Variants in TEX11 observed in about 807,000 individuals in gnomAD.
TEX11 encodes the protein testis-expressed protein 11.
Under a neutral mutation model 84.4 loss-of-function variants are expected in TEX11, and 7 were observed. The observed-to-expected ratio is 0.08, with a 90% CI of 0.05 to 0.16. The LOEUF (loss-of-function observed/expected upper bound fraction) is 0.16. TEX11 is among the 10% of genes least tolerant of loss of function. The pLI, the probability that TEX11 is intolerant of heterozygous loss-of-function variation, is 1.00. For missense variants in TEX11, 551 were observed against 660.5 expected (o/e 0.83, Z 1.82); for synonymous variants, 264 against 222.8 (o/e 1.18, Z -1.64).
chrX:70,833,634 A>T, intron 7 of TEX11, 41 bp from the exon 8 acceptor site: 1 of 1,048,420 alleles, frequency 9.5e-7, no homozygotes, highest in Non-Finnish European at 1.3e-6. Context: ...TTAAAATGAC[A>T]AGGTTATTTG....
Position 70,583,416 on chromosome X carries a change from G to A in TEX11, c.2140+8335C>T, listed in dbSNP as rs142060151. Among the ~76,000 whole-genome samples, 867 of 111,730 alleles carry A rather than the reference G, an allele frequency of 7.8e-3. 11 individuals are homozygous for A. The highest frequency in any genetic ancestry group is 0.026 in the African/African-American group (814 of 30,763). ...GATAATGGCCTCCAGTTTCATCCAC[G>A]TTACTGCAAATGACCTGATTTCATT... On this transcript the variant is annotated intron_variant, in intron 25 of 29. Transcript: ENST00000374333.
intron 28 of TEX11, among the ~76,000 whole-genome samples, chrX:70,538,423 T>C (rs1457640990): frequency 2.7e-5 from 3 of 111,482 alleles, no homozygotes; most frequent in Non-Finnish European, 3.8e-5. Flanking sequence ...TATCAAAGTC[T>C]GACTCAAAGA....
downstream of TEX11, among the ~76,000 whole-genome samples, chrX:70,524,750 G>A (rs1014098843): frequency 2.7e-5 from 3 of 111,970 alleles, no homozygotes; most frequent in Non-Finnish European, 3.8e-5. Flanking sequence ...ATTTTTAGTA[G>A]AGACGGGGTT....
chrX:70,639,430 G>C (rs2089620366), intron 17 of TEX11, among the ~76,000 whole-genome samples: 1 of 112,210 alleles, frequency 8.9e-6, no homozygotes, highest in African/African-American at 3.2e-5. Flanking sequence ...GCTCAAGGAG[G>C]CCTGCGTGCC....
intron 13 of TEX11, among the ~76,000 whole-genome samples, chrX:70,689,527 C>T (rs766873670): frequency 9.0e-6 from 1 of 111,316 alleles, no homozygotes; most frequent in Non-Finnish European, 1.9e-5. Context: ...AAAGGAATTG[C>T]TTATAAAAAA....
intron 11 of TEX11, among the ~76,000 whole-genome samples, chrX:70,734,716 C>A (rs1264960863): frequency 8.9e-6 from 1 of 112,068 alleles, no homozygotes; most frequent in East Asian, 2.8e-4. Context: ...CGCTTCACTA[C>A]CTAGGAGTGA....
At chrX:70,716,954 A>C (rs2090510213) in intron 13 of TEX11, among the ~76,000 whole-genome samples, 1 of 112,517 alleles carries the variant, frequency 8.9e-6, no homozygotes, top group Admixed American at 9.4e-5. Context: ...TTGCAAGTTT[A>C]CTTAAATGTT....
intron 11 of TEX11, among the ~76,000 whole-genome samples, chrX:70,740,267 C>T (rs1245616791): frequency 9.0e-6 from 1 of 111,229 alleles, no homozygotes; most frequent in East Asian, 2.8e-4. Context: ...TCAAGGTGCT[C>T]GCAGATTCGG....
intron 13 of TEX11, among the ~76,000 whole-genome samples, chrX:70,717,046 C>T (rs764907692): frequency 9.0e-6 from 1 of 111,629 alleles, no homozygotes; most frequent in African/African-American, 3.3e-5. Flanking sequence ...ACCTGCTTTT[C>T]TAGAATCCAA....
chrX:70,760,170 A>G, intron 9 of TEX11, among the ~76,000 whole-genome samples: 1 of 111,995 alleles, frequency 8.9e-6, no homozygotes, highest in Non-Finnish European at 1.9e-5. Flanking sequence ...AATCAATATC[A>G]TGAAAATAGC....
chrX:70,528,256 T>A (rs2087841260), downstream of TEX11, among the ~76,000 whole-genome samples: 1 of 111,961 alleles, frequency 8.9e-6, no homozygotes, highest in South Asian at 3.8e-4. Context: ...AGGTAGGACA[T>A]TTTACCAATT....
In TEX11 at chrX:70,740,791, T is replaced by A. The variant is rs1283604357; in HGVS notation, c.753A>T (p.Lys251Asn). 4.3e-6 allele frequency: 5 copies of A among 1,155,032 alleles called. No homozygotes were observed. Among genetic ancestry groups the A allele is most frequent in the Non-Finnish European group, 5.8e-6 (5 of 863,562 alleles). Residue 251 changes from lysine to asparagine, a missense_variant, in exon 11 of 30, where the codon AAA becomes AAT. Coordinates refer to ENST00000374333, the MANE Select transcript of TEX11 (RefSeq NM_031276.3). Reference sequence around the variant, plus strand: ...AATTCGTGGCTAATAGCCGTAGAACTTTAGCCTGTAAGAAAAAAAAAAAGA... The same window carrying A: ...AATTCGTGGCTAATAGCCGTAGAACATTAGCCTGTAAGAAAAAAAAAAAGA... ...KKSTGPEMLA[K>N]VLRLLATNYL...
At chrX:70,608,740 CAAAAA>C (rs61517512) in intron 22 of TEX11, among the ~76,000 whole-genome samples, 1 of 66,957 alleles carries the variant, frequency 1.5e-5, no homozygotes, top group African/African-American at 5.6e-5. Context: ...GACTCCATCT[CAAAAA>C]AAAAAAAAAA....
chrX:70,795,219 G>A (rs2091148878), intron 9 of TEX11, among the ~76,000 whole-genome samples: 1 of 109,536 alleles, frequency 9.1e-6, no homozygotes, highest in Non-Finnish European at 1.9e-5. Context: ...CTGTGACAGT[G>A]GTGGCCATAG....
At chrX:70,809,781 C>T (rs969034661) in intron 8 of TEX11, among the ~76,000 whole-genome samples, 1 of 111,049 alleles carries the variant, frequency 9.0e-6, no homozygotes, top group African/African-American at 3.3e-5. Flanking sequence ...ACTGCAACCT[C>T]TGCCTCCGAG....
intron 9 of TEX11, among the ~76,000 whole-genome samples, chrX:70,756,032 G>C (rs890939845): frequency 1.1e-4 from 12 of 112,227 alleles, no homozygotes; most frequent in Admixed American, 1.0e-3. Context: ...TCAGCAGCTT[G>C]GCGGGGGGAG....
At chrX:70,874,950 G>A (rs1007502221) in intron 3 of TEX11, among the ~76,000 whole-genome samples, 11 of 109,549 alleles carry the variant, frequency 1.0e-4, no homozygotes, top group Admixed American at 1.9e-4. Context: ...CGAGGCGGTC[G>A]GATTGCCTGA....
intron 25 of TEX11, among the ~76,000 whole-genome samples, chrX:70,564,111 C>T (rs1334414552): frequency 8.9e-6 from 1 of 111,839 alleles, no homozygotes; most frequent in Non-Finnish European, 1.9e-5. Context: ...TGCCTGTAGT[C>T]CCAGCTACTT....
intron 3 of TEX11, 137 bp downstream of exon 3, chrX:70,879,851 G>C: frequency 2.5e-6 from 1 of 392,852 alleles, no homozygotes; most frequent in Non-Finnish European, 3.9e-6. Flanking sequence ...CCTAAATTAG[G>C]TGTGAACATC....
Sources: gnomAD v4.1 joint callset for allele counts (sites outside exome capture counted in the v4.1 genomes callset) on GRCh38, gnomAD v4.1.1 for gene constraint, MANE v1.5 for transcripts, NCBI Gene and HGNC (gene_info 2026-07-23, HGNC 2026-07-21) for gene names.